Variants in CENPE observed in about 807,000 individuals in gnomAD.
CENPE encodes centromere-associated protein E.
Under a neutral mutation model 336.1 loss-of-function variants are expected in CENPE, and 145 were observed. The observed-to-expected ratio is 0.43, with a 90% confidence interval of 0.38 to 0.50. The LOEUF is 0.50. CENPE is among the 20% of genes least tolerant of loss of function. The pLI, the probability that CENPE is intolerant of heterozygous loss-of-function variation, is 0.00. For synonymous variants in CENPE, 1,013 were observed against 984.8 expected (o/e 1.03, Z -0.54); for missense variants, 2,719 against 3,023.3 (o/e 0.90, Z 2.36).
intron 46 of CENPE, among the ~76,000 whole-genome samples, chr4:103,112,754 GTA>G (rs1469947042): frequency 0.038 from 3,834 of 100,576 alleles, 122 homozygotes; most frequent in Non-Finnish European, 0.057. Context: ...GTATATAAGT[GTA>G]TATATATACT....
chr4:103,172,509 G>C (rs1444259694), intron 16 of CENPE, among the ~76,000 whole-genome samples: 1 of 151,992 alleles, frequency 6.6e-6, no homozygotes, highest in East Asian at 1.9e-4. Context: ...ATGGGGAAAA[G>C]CTGAAAGCCT....
intron 43 of CENPE, among the ~76,000 whole-genome samples, chr4:103,121,785 T>A (rs1374944427): frequency 1.3e-5 from 2 of 152,068 alleles, no homozygotes; most frequent in Admixed American, 6.6e-5. Context: ...TATCTTAAAC[T>A]CCTAGGCTCA....
intron 46 of CENPE, among the ~76,000 whole-genome samples, chr4:103,112,614 A>G (rs1256363387): frequency 7.5e-6 from 1 of 133,438 alleles, no homozygotes; most frequent in Non-Finnish European, 1.5e-5. Context: ...ATAAGTCTGT[A>G]TATATACTTG....
In CENPE at chr4:103,163,219, T is replaced by G. The variant is rs761747799; in HGVS notation, c.1760A>C (p.Lys587Thr). The change falls in exon 18 of 49, where the codon AAG becomes ACG. Residue 587 changes from lysine (K) to threonine (T), a missense_variant. This residue lies in a region of CENPE where 2,437 missense variants were observed against 2,513.3 expected (regional missense o/e 0.97). Coordinates refer to ENST00000265148, the MANE Select transcript of CENPE (RefSeq NM_001813.3). ...LSSKVELLRE[K>T]EDQIKKLQEY... Reference sequence around the variant, plus strand: ...CTGTAGCTTCTTAATCTGGTCTTCCTTTTCTCTAAGCAGCTCTACTTTTGA... The same window carrying G: ...CTGTAGCTTCTTAATCTGGTCTTCCGTTTCTCTAAGCAGCTCTACTTTTGA... The G allele has an allele frequency of 3.1e-6, 5 of 1,608,944 alleles. No homozygotes were observed. The highest frequency in any genetic ancestry group is 4.3e-6 in the Non-Finnish European group (5 of 1,176,280).
At position 103,196,753 on chromosome 4, in the gene CENPE, G is replaced by A. The variant is rs1388399557; in HGVS notation, c.148+6C>T. 1 of 1,428,384 alleles carries A rather than the reference G, an allele frequency of 7.0e-7. No individual in the cohort carries two copies. Among genetic ancestry groups the A allele is most frequent in the East Asian group, 2.3e-5 (1 of 44,044 alleles). The allele number at this position is 1,428,384 out of a possible 1,614,324, so 88.5% of individuals were successfully genotyped here. On this transcript the variant is annotated splice_donor_region_variant and intron_variant, in intron 2 of 48. Coordinates refer to ENST00000265148, the MANE Select transcript of CENPE (RefSeq NM_001813.3). ...AAGGTAACTTTTGATGCTATTATAA[G>A]CTTACCAAAATTGAAGGATTTACTT...
chr4:103,158,784 T>C lies in CENPE; in HGVS notation c.2704A>G (p.Thr902Ala). The C allele has an allele frequency of 6.2e-7, 1 of 1,613,292 alleles. No homozygotes were observed. Among genetic ancestry groups the C allele is most frequent in the African/African-American group, 1.3e-5 (1 of 75,024 alleles). The change falls in exon 23 of 49, where the codon ACG (threonine) becomes GCG (alanine). Residue 902 changes from threonine to alanine, a missense_variant. By Grantham distance (58) the Thr-to-Ala change is moderately conservative. Transcript: ENST00000265148. ...TTCTCCCTTTCTACAGTTTGCAGCG[T>C]AGAATCTCTATTTTCTAATTGTTCC... ...LKEQLENRDS[T>A]LQTVEREKTL... is the part of the protein sequence containing the mutation.
intron 16 of CENPE, among the ~76,000 whole-genome samples, chr4:103,168,690 G>A (rs1755134832): frequency 6.6e-6 from 1 of 152,176 alleles, no homozygotes; most frequent in African/African-American, 2.4e-5. Flanking sequence ...TTGTCCATCA[G>A]CAGATTCTCA....
At chr4:103,154,711 G>A (rs1017202871) in intron 24 of CENPE, among the ~76,000 whole-genome samples, 3 of 151,926 alleles carry the variant, frequency 2.0e-5, no homozygotes, top group Non-Finnish European at 2.9e-5. Flanking sequence ...AACTACCACA[G>A]TTATGAATAA....
chr4:103,125,681 G>A (rs548425533), intron 42 of CENPE, among the ~76,000 whole-genome samples: 2 of 152,040 alleles, frequency 1.3e-5, no homozygotes, highest in Non-Finnish European at 2.9e-5. Context: ...TGGCCAACAG[G>A]TGAAACCCCG....
chr4:103,171,116 T>C (rs1419633065), intron 16 of CENPE, among the ~76,000 whole-genome samples: 1 of 152,086 alleles, frequency 6.6e-6, no homozygotes, highest in Non-Finnish European at 1.5e-5. Flanking sequence ...ATGGACAGAT[T>C]ATTCAGACAG....
At chr4:103,132,984 A>ATATATATATATATATATATATATG (rs1578575064) in intron 41 of CENPE, 88 bp from the exon 42 acceptor site, 1 of 187,780 alleles carries the variant, frequency 5.3e-6, no homozygotes, top group Non-Finnish European at 1.0e-5. Context: ...ATATATATAT[A>ATATATATATATATATATATATATG]AAATAAAAAG....
At chr4:103,158,556 C>T in intron 23 of CENPE, 58 bp downstream of exon 23, 3 of 1,525,724 alleles carry the variant, frequency 2.0e-6, no homozygotes, top group East Asian at 4.5e-5. Context: ...AAATGATGGC[C>T]TCTGCAATGT....
At chr4:103,151,174 GT>G (rs759796313) in intron 26 of CENPE, 44 bp downstream of exon 26, 13 of 1,556,676 alleles carry the variant, frequency 8.4e-6, no homozygotes, top group African/African-American at 1.4e-5. Context: ...CAAAAAAAAA[GT>G]TTAGTTAGAA....
Position 103,181,471 on chromosome 4 carries a change from C to G in CENPE, c.964-15G>C. 1 of 1,552,770 alleles carries G rather than the reference C, an allele frequency of 6.4e-7. No individual in the cohort carries two copies. Among genetic ancestry groups the G allele is most frequent in the Non-Finnish European group, 8.6e-7 (1 of 1,156,468 alleles). On this transcript the variant is annotated splice_polypyrimidine_tract_variant and intron_variant, in intron 11 of 48. Transcript: ENST00000265148. Reference sequence around the variant, plus strand: ...GTACTGGCAAACTGGAAAAAAAATACGAAAGTGCTAAGTGTTCAACACTTA... The same window carrying G: ...GTACTGGCAAACTGGAAAAAAAATAGGAAAGTGCTAAGTGTTCAACACTTA...
At chr4:103,188,424 G>T (rs534136404) in intron 8 of CENPE, among the ~76,000 whole-genome samples, 3 of 152,258 alleles carry the variant, frequency 2.0e-5, no homozygotes, top group South Asian at 4.1e-4. Context: ...TAAAAGAACA[G>T]AAATGATAAC....
rs1750140059 is a variant in CENPE, at chr4:103,116,656, C to T, written c.7363G>A (p.Glu2455Lys). 6.3e-7 allele frequency: 1 copy of T among 1,591,140 alleles called. No individual in the cohort carries two copies. Among genetic ancestry groups the T allele is most frequent in the Non-Finnish European group, 8.5e-7 (1 of 1,171,706 alleles). The stretch of plus-strand genomic sequence containing the variant: ...TTCATTTTGAGATCTTCAATTTCTT[C>T]TTTATATGGCTTAGCTCCTAAAGCA... ...KVALGAKPYK[E>K]EIEDLKMKLV... Residue 2455 changes from glutamate (E) to lysine (K), a missense_variant, in exon 45 of 49, where the codon GAA becomes AAA. This residue lies in a region of CENPE where 2,437 missense variants were observed against 2,513.3 expected (regional missense o/e 0.97). Transcript: ENST00000265148.
At chr4:103,180,747 TA>T (rs1756262028) in intron 12 of CENPE, among the ~76,000 whole-genome samples, 1 of 152,154 alleles carries the variant, frequency 6.6e-6, no homozygotes, top group South Asian at 2.1e-4. Flanking sequence ...ATTAATTGCC[TA>T]AGAAGATATG....
chr4:103,145,514 C>T lies in CENPE; in HGVS notation c.4572+9G>A. The T allele has an allele frequency of 6.3e-7, 1 of 1,593,086 alleles. No homozygotes were observed. The highest frequency in any genetic ancestry group is 8.5e-7 in the Non-Finnish European group (1 of 1,171,670). Reference sequence around the variant, plus strand: ...ATTTCCTCCCACTGTTTCTTCATCCCCAATTTACCTTGTTCTGTAATTTAT... The same window carrying T: ...ATTTCCTCCCACTGTTTCTTCATCCTCAATTTACCTTGTTCTGTAATTTAT... On this transcript the variant is annotated intron_variant, in intron 31 of 48. Transcript: ENST00000265148.
Position 103,108,930 on chromosome 4 carries a change from T to G in CENPE, c.7884A>C (p.Glu2628Asp), listed in dbSNP as rs145048632. 1.4e-4 allele frequency: 225 copies of G among 1,613,814 alleles called. 2 individuals are homozygous for G. Among genetic ancestry groups the G allele is most frequent in the South Asian group, 4.2e-4 (38 of 91,078 alleles). ...TTGGCACAGGATCTTGTAAATTCCG[T>G]TCCTTGCATTGAGAGGGTGTAATTT... ...KKQITPSQCK[E>D]RNLQDPVPKE... The change falls in exon 48 of 49, where the codon GAA (glutamate) becomes GAC (aspartate). Residue 2628 changes from glutamate to aspartate, a missense_variant. Glu to Asp is a conservative substitution (Grantham distance 45). Around this residue, in one of 5 missense-constraint regions of CENPE, gnomAD observed 2,437 missense variants for 2,513.3 expected, o/e 0.97. Coordinates refer to ENST00000265148, the MANE Select transcript of CENPE (RefSeq NM_001813.3).
Sources: allele counts gnomAD v4.1 joint callset (sites outside exome capture counted in the v4.1 genomes callset), GRCh38; gene constraint gnomAD v4.1.1; regional missense constraint gnomAD v4.1.1; transcripts MANE v1.5; gene names NCBI Gene and HGNC (gene_info 2026-07-23, HGNC 2026-07-21).